The following ORC3 variants were observed in gnomAD, a reference collection of about 807,000 sequenced individuals.
The protein encoded by ORC3 is origin recognition complex subunit 3, also known as homolog of latheo, Drosophila.
Under a neutral mutation model 100.7 loss-of-function variants are expected in ORC3, and 78 were observed. That is an observed-to-expected ratio of 0.77 (90% confidence interval 0.65 to 0.94). The LOEUF (loss-of-function observed/expected upper bound fraction) is 0.94. Ranked by LOEUF, ORC3 falls within the 40% of genes least tolerant of loss-of-function variation. ORC3 has a pLI of 0.00. For missense variants in ORC3, 789 were observed against 823.9 expected (o/e 0.96, Z 0.52); for synonymous variants, 295 against 289.3 (o/e 1.02, Z -0.20).
At chr6:87,616,585 C>G (rs1319628364) in intron 9 of ORC3, among the ~76,000 whole-genome samples, 158 bp downstream of exon 9, 1 of 151,994 alleles carries the variant, frequency 6.6e-6, no homozygotes, top group East Asian at 1.9e-4. Flanking sequence ...CCTTTGTTAC[C>G]TTGCAGCAAA....
At chr6:87,597,859 T>C (rs1244455423) in intron 2 of ORC3, among the ~76,000 whole-genome samples, 1 of 151,810 alleles carries the variant, frequency 6.6e-6, no homozygotes, top group Non-Finnish European at 1.5e-5. Context: ...TGGCCACACA[T>C]TTCTTTAATG....
chr6:87,645,986 TTTTTTTTTC>T (rs1461112728), intron 13 of ORC3, among the ~76,000 whole-genome samples: 10 of 143,692 alleles, frequency 7.0e-5, no homozygotes, highest in Non-Finnish European at 1.1e-4. Context: ...TTTTTTTTCT[TTTTTTTTTC>T]TTTTTTTTTG....
chr6:87,622,290 G>A (rs942765494), intron 11 of ORC3, among the ~76,000 whole-genome samples: 7 of 152,008 alleles, frequency 4.6e-5, no homozygotes, highest in African/African-American at 1.7e-4. Flanking sequence ...ATAGAGATCT[G>A]CTATGTGAAT....
chr6:87,639,248 A>G (rs1414768994), intron 13 of ORC3, among the ~76,000 whole-genome samples: 2 of 152,192 alleles, frequency 1.3e-5, no homozygotes, highest in African/African-American at 4.8e-5. Flanking sequence ...TTAAATAACC[A>G]CAGATCAGAT....
chr6:87,602,605 A>G lies in ORC3; in HGVS notation c.177+724A>G, dbSNP rs75126680. 9.7e-4 allele frequency among the ~76,000 whole-genome samples: 148 copies of G among 152,230 alleles called. 2 individuals carry two copies. In the East Asian group the frequency reaches 0.02, roughly 21 times the overall value. On this transcript the variant is annotated intron_variant, in intron 3 of 19. Coordinates refer to ENST00000392844, the MANE Select transcript of ORC3 (RefSeq NM_012381.4). ...ACCTAGTGGTAATGAGCAAAGGCTC[A>G]TTCACGTATTCCATGTGATCCTTCA...
At chr6:87,624,705 T>A (rs1413375012) in intron 11 of ORC3, among the ~76,000 whole-genome samples, 1 of 152,186 alleles carries the variant, frequency 6.6e-6, no homozygotes, top group Non-Finnish European at 1.5e-5. Flanking sequence ...TTCTTTTTTT[T>A]AATTATACTT....
At chr6:87,660,590 G>T (rs1470803122) in intron 16 of ORC3, among the ~76,000 whole-genome samples, 1 of 152,192 alleles carries the variant, frequency 6.6e-6, no homozygotes, top group African/African-American at 2.4e-5. Flanking sequence ...GCAGCTCTTG[G>T]CAAAAATACT....
intron 8 of ORC3, among the ~76,000 whole-genome samples, chr6:87,613,442 CT>C (rs1562334860): frequency 1.3e-5 from 2 of 152,164 alleles, no homozygotes; most frequent in Non-Finnish European, 2.9e-5. Context: ...CATTCTGCCC[CT>C]GGCCCCTCCC....
intron 16 of ORC3, among the ~76,000 whole-genome samples, chr6:87,659,209 A>C (rs1422061560): frequency 6.6e-6 from 1 of 151,508 alleles, no homozygotes; most frequent in African/African-American, 2.4e-5. Context: ...GATTACAGGC[A>C]TGTGCCAACA....
intron 12 of ORC3, among the ~76,000 whole-genome samples, chr6:87,635,569 G>C (rs963868924): frequency 6.6e-6 from 1 of 152,186 alleles, no homozygotes; most frequent in Non-Finnish European, 1.5e-5. Context: ...AGCCAAGGCA[G>C]GTGGTTCGCC....
chr6:87,597,534 G>A (rs963937033), intron 2 of ORC3, among the ~76,000 whole-genome samples: 1 of 152,044 alleles, frequency 6.6e-6, no homozygotes, highest in Non-Finnish European at 1.5e-5. Context: ...ATTAATTCCA[G>A]TGGAAAAATT....
rs552418726 is a variant in ORC3 at position 87,621,873 on chromosome 6, C to T, written c.1122-77C>T. The T allele has an allele frequency of 4.1e-5, 41 of 1,006,724 alleles. No homozygotes were observed. In the East Asian group the frequency reaches 1.0e-3, roughly 25 times the overall value. 62.4% of individuals were successfully genotyped at this position (1,006,724 alleles called of 1,614,324 possible). On this transcript the variant is annotated intron_variant, in intron 10 of 19. Transcript: ENST00000392844. ...AATGTGGCTACCAATCTAGGTAGTTCTTTTTCCCAATATGCTATTTAAATA... is the reference window on the plus strand; with the variant it reads ...AATGTGGCTACCAATCTAGGTAGTTTTTTTTCCCAATATGCTATTTAAATA...
downstream of ORC3, among the ~76,000 whole-genome samples, chr6:87,668,835 T>G (rs1770770935): frequency 6.6e-6 from 1 of 151,678 alleles, no homozygotes; most frequent in East Asian, 1.9e-4. Flanking sequence ...ATACAAAAAT[T>G]AGCTGGGCGT....
intron 1 of ORC3, 146 bp downstream of exon 1, chr6:87,590,338 A>T: frequency 1.2e-6 from 1 of 860,632 alleles, no homozygotes; most frequent in Non-Finnish European, 1.9e-6. Context: ...TCCTTGCTCC[A>T]GATCAGTTGA....
intron 11 of ORC3, among the ~76,000 whole-genome samples, chr6:87,627,006 AT>A (rs1779951577): frequency 6.6e-6 from 1 of 151,180 alleles, no homozygotes; most frequent in Non-Finnish European, 1.5e-5. Context: ...ATTTTATTTT[AT>A]TTTTTTTGAG....
intron 8 of ORC3, among the ~76,000 whole-genome samples, chr6:87,613,443 T>C (rs1778926374): frequency 6.6e-6 from 1 of 152,144 alleles, no homozygotes; most frequent in Non-Finnish European, 1.5e-5. Flanking sequence ...ATTCTGCCCC[T>C]GGCCCCTCCC....
At chr6:87,643,144 G>A (rs538332998) in intron 13 of ORC3, among the ~76,000 whole-genome samples, 43 of 151,278 alleles carry the variant, frequency 2.8e-4, no homozygotes, top group South Asian at 4.2e-4. Context: ...TGGTTTCCAG[G>A]CTTCAATGTG....
rs1779316626 is a variant in ORC3, at chr6:87,618,477, C to T, written c.987+2050C>T. Among the ~76,000 whole-genome samples the T allele has an allele frequency of 2.0e-5, 3 of 150,836 alleles. No homozygotes were observed. The East Asian group carries it at 5.8e-4, about 29-fold the overall frequency. On this transcript the variant is annotated intron_variant, in intron 9 of 19. Coordinates refer to ENST00000392844, the MANE Select transcript of ORC3 (RefSeq NM_012381.4). ...TATTTGTTTAATGATGGAGGCAAAA[C>T]AGTAAACCCACAAATCTGAGTAGTC...
chr6:87,638,827 G>A (rs893684908), intron 13 of ORC3, among the ~76,000 whole-genome samples: 1 of 152,008 alleles, frequency 6.6e-6, no homozygotes, highest in Non-Finnish European at 1.5e-5. Context: ...TGTACCAATG[G>A]TGTGTCCTGT....
Sources: gnomAD v4.1 joint callset for allele counts (sites outside exome capture counted in the v4.1 genomes callset) on GRCh38, gnomAD v4.1.1 for gene constraint, MANE v1.5 for transcripts, NCBI Gene and HGNC (gene_info 2026-07-23, HGNC 2026-07-21) for gene names.